HFM1: variants seen among roughly 807,000 people sequenced by gnomAD.
The protein encoded by HFM1 is probable ATP-dependent DNA helicase HFM1.
A neutral mutation model predicts 192.1 loss-of-function variants in HFM1; 169 were observed. That is an observed-to-expected ratio of 0.88 (90% CI 0.78 to 1.00). The LOEUF is 1.00. HFM1 is among the 50% of genes least tolerant of loss of function. HFM1 has a pLI of 0.00. For synonymous variants in HFM1, 525 were observed against 537.8 expected (o/e 0.98, Z 0.33); for missense variants, 1,661 against 1,668.0 (o/e 1.00, Z 0.07).
rs372394325 is a variant in HFM1, at chr1:91,353,313, C to T, written c.1686-14G>A. 2 of 1,463,116 alleles carry T rather than the reference C, an allele frequency of 1.4e-6. No homozygotes were observed. Among genetic ancestry groups the T allele is most frequent in the Non-Finnish European group, 1.9e-6 (2 of 1,058,012 alleles). The allele number at this position is 1,463,116 out of a possible 1,614,324, so 90.6% of individuals were successfully genotyped here. ...TACTTCTGTAACCTATTTAAAAATA[C>T]CATAAAATTATTGAGTTACTCCCAG... On this transcript the variant is annotated splice_polypyrimidine_tract_variant and intron_variant, in intron 13 of 38. Transcript: ENST00000370425.
At chr1:91,276,771 G>T in intron 31 of HFM1, 28 bp from the exon 32 acceptor site, 3 of 1,097,642 alleles carry the variant, frequency 2.7e-6, no homozygotes, top group East Asian at 2.6e-5. Context: ...AGATTCTTTA[G>T]GTTAAACTTC....
intron 19 of HFM1, among the ~76,000 whole-genome samples, chr1:91,344,211 C>A (rs1183190117): frequency 6.6e-6 from 1 of 152,184 alleles, no homozygotes; most frequent in Non-Finnish European, 1.5e-5. Context: ...ACAGTTCCTT[C>A]TCTGCCTCAT....
At chr1:91,281,723 ATTT>A (rs929105860) in intron 30 of HFM1, among the ~76,000 whole-genome samples, 2 of 152,044 alleles carry the variant, frequency 1.3e-5, no homozygotes, top group Non-Finnish European at 2.9e-5. Context: ...TTGGAATTTT[ATTT>A]TTTATTATTA....
chr1:91,387,235 G>A (rs982379774), intron 4 of HFM1, among the ~76,000 whole-genome samples: 1 of 152,090 alleles, frequency 6.6e-6, no homozygotes, highest in African/African-American at 2.4e-5. Context: ...TCCAGCTCAC[G>A]TTCCCTATTA....
chr1:91,315,114 G>A (rs281989), intron 28 of HFM1, among the ~76,000 whole-genome samples: 152,171 of 152,354 alleles, frequency 1, 75,994 homozygotes, highest in Non-Finnish European at 1. Flanking sequence ...TTAAGGTTTG[G>A]TTAATCATAA....
chr1:91,291,422 A>G (rs908663088), intron 30 of HFM1, among the ~76,000 whole-genome samples: 38 of 152,230 alleles, frequency 2.5e-4, no homozygotes, highest in African/African-American at 8.7e-4. Context: ...TACTACAAAC[A>G]CCTCTACGCA....
chr1:91,400,894 C>T (rs958058632), intron 2 of HFM1, 118 bp downstream of exon 2: 4 of 525,190 alleles, frequency 7.6e-6, no homozygotes, highest in South Asian at 3.3e-5. Flanking sequence ...ACTGAAATAT[C>T]GTTCTGTTGA....
intron 13 of HFM1, among the ~76,000 whole-genome samples, chr1:91,373,988 T>C (rs1158727309): frequency 6.6e-6 from 1 of 152,156 alleles, no homozygotes; most frequent in Non-Finnish European, 1.5e-5. Context: ...ATTATAATTA[T>C]AGTAAGTGCT....
intron 30 of HFM1, among the ~76,000 whole-genome samples, chr1:91,312,645 G>A (rs1175653096): frequency 6.6e-6 from 1 of 152,166 alleles, no homozygotes; most frequent in Non-Finnish European, 1.5e-5. Flanking sequence ...TGTCTCAGAT[G>A]AGACTTTGAA....
At chr1:91,308,561 T>C (rs1401025568) in intron 30 of HFM1, among the ~76,000 whole-genome samples, 1 of 152,200 alleles carries the variant, frequency 6.6e-6, no homozygotes, top group East Asian at 1.9e-4. Context: ...GGTCTTGCTA[T>C]GTGGTCCAGG....
intron 13 of HFM1, among the ~76,000 whole-genome samples, chr1:91,366,350 C>G (rs574031034): frequency 4.5e-4 from 68 of 152,284 alleles, no homozygotes; most frequent in African/African-American, 1.6e-3. Flanking sequence ...TCTCTCAAAA[C>G]TGCCTTCAGA....
At chr1:91,352,248 C>T (rs1374155373) in intron 16 of HFM1, among the ~76,000 whole-genome samples, 1 of 150,160 alleles carries the variant, frequency 6.7e-6, no homozygotes, top group African/African-American at 2.4e-5. Flanking sequence ...AAAAAACAGT[C>T]AAAATCAAAA....
At chr1:91,396,951 C>T (rs1331411882) in intron 2 of HFM1, among the ~76,000 whole-genome samples, 2 of 152,134 alleles carry the variant, frequency 1.3e-5, no homozygotes, top group Non-Finnish European at 2.9e-5. Flanking sequence ...AGATCAGCAA[C>T]GACATTAGAT....
chr1:91,352,414 T>C, intron 16 of HFM1, 92 bp downstream of exon 16: 1 of 947,732 alleles, frequency 1.1e-6, no homozygotes, highest in Non-Finnish European at 1.6e-6. Context: ...CTTTTAAGCC[T>C]GATACAATTA....
At chr1:91,402,642 T>A (rs914963635) in intron 1 of HFM1, among the ~76,000 whole-genome samples, 1 of 152,096 alleles carries the variant, frequency 6.6e-6, no homozygotes, top group African/African-American at 2.4e-5. Flanking sequence ...TCTGAAAAAG[T>A]ATAAATGAAA....
chr1:91,276,620 AAACT>A lies in HFM1; in HGVS notation c.3588+4_3588+7del. ...CAGAACAATGGGAAAAATGTTATTAAAACTAACCTTCAGACGTTTAACTGGAGGA... is the reference window on the plus strand; with the variant it reads ...CAGAACAATGGGAAAAATGTTATTAAAACCTTCAGACGTTTAACTGGAGGA... On this transcript the variant is annotated splice_donor_5th_base_variant and intron_variant, in intron 32 of 38. Transcript: ENST00000370425. The A allele has an allele frequency of 1.5e-6, 2 of 1,365,468 alleles. No homozygotes were observed. The highest frequency in any genetic ancestry group is 2.0e-6 in the Non-Finnish European group (2 of 987,770). 84.6% of individuals were successfully genotyped at this position (1,365,468 alleles called of 1,614,324 possible).
chr1:91,318,325 T>C (rs1344582743), intron 25 of HFM1, among the ~76,000 whole-genome samples: 1 of 152,232 alleles, frequency 6.6e-6, no homozygotes, highest in Non-Finnish European at 1.5e-5. Flanking sequence ...GTTGGTAATC[T>C]TTGTTCAAAT....
intron 2 of HFM1, among the ~76,000 whole-genome samples, chr1:91,398,972 TG>T: frequency 6.6e-6 from 1 of 152,278 alleles, no homozygotes; most frequent in Non-Finnish European, 1.5e-5. Flanking sequence ...GGATTACAGG[TG>T]TGAGCCACCG....
intron 30 of HFM1, among the ~76,000 whole-genome samples, chr1:91,292,882 C>T (rs1352683078): frequency 1.3e-5 from 2 of 151,940 alleles, no homozygotes; most frequent in Non-Finnish European, 2.9e-5. Flanking sequence ...AGAATAGAGC[C>T]CTCAGAAATA....
Sources: gnomAD v4.1 joint callset for allele counts (sites outside exome capture counted in the v4.1 genomes callset) on GRCh38, gnomAD v4.1.1 for gene constraint, MANE v1.5 for transcripts, NCBI Gene and HGNC (gene_info 2026-07-23, HGNC 2026-07-21) for gene names.